Variants in POLB observed in about 807,000 individuals in gnomAD.
POLB encodes 5'-dRP lyase.
In POLB, 37 loss-of-function variants were observed where a neutral mutation model predicts 52.7. That is an observed-to-expected ratio of 0.70 (90% CI 0.54 to 0.92). POLB has a LOEUF of 0.92. Ranked by LOEUF, POLB falls within the 40% of genes least tolerant of loss-of-function variation. POLB has a pLI of 0.00. For missense variants in POLB, 313 were observed against 400.8 expected (o/e 0.78, Z 1.87); for synonymous variants, 138 against 131.3 (o/e 1.05, Z -0.35).
intron 11 of POLB, among the ~76,000 whole-genome samples, chr8:42,367,327 G>A (rs1301663977): frequency 1.3e-5 from 2 of 152,114 alleles, no homozygotes; most frequent in Non-Finnish European, 2.9e-5. Flanking sequence ...GGAGAGGAGA[G>A]TGCAGGAGGC....
rs1585905910 is a variant in POLB at position 42,360,744 on chromosome 8, C to T, written c.551-551C>T. Among the ~76,000 whole-genome samples, 6 of 149,202 alleles carry T rather than the reference C, an allele frequency of 4.0e-5. No individual in the cohort carries two copies. The East Asian group carries it at 9.8e-4, about 24-fold the overall frequency. ...AACCATAAGAATTGAAATGAGTTTT[C>T]TTTTTAAAAAAAAAAAAAAGAGAGT... On this transcript the variant is annotated intron_variant, in intron 9 of 13. Transcript: ENST00000265421.
rs1354111989 is a variant in POLB, at chr8:42,352,543, A to G, written c.345A>G (p.Val115=). The G allele has an allele frequency of 6.2e-7, 1 of 1,601,158 alleles. No homozygotes were observed. The highest frequency in any genetic ancestry group is 2.2e-5 in the East Asian group (1 of 44,780). ...GTCCATCTGCTGCAAGGAAGTTTGTAGATGAAGGAATTAAAACACTAGAAG... is the reference window on the plus strand; with the variant it reads ...GTCCATCTGCTGCAAGGAAGTTTGTGGATGAAGGAATTAAAACACTAGAAG... The part of the protein sequence containing the change: ...GIGPSAARKF[V]DEGIKTLEDL... The change falls in exon 6 of 14, where the codon GTA becomes GTG. Residue 115 remains valine (V), a synonymous_variant. Transcript: ENST00000265421.
At chr8:42,354,460 A>G in intron 6 of POLB, 1 of 1,285,036 alleles carries the variant, frequency 7.8e-7, no homozygotes, top group South Asian at 1.2e-5. Context: ...ACCTGAATGG[A>G]ACTGAGTCAC....
At chr8:42,341,869 C>A in intron 2 of POLB, 1 of 599,790 alleles carries the variant, frequency 1.7e-6, no homozygotes, top group East Asian at 3.7e-5. Flanking sequence ...GGTTCCACCT[C>A]TTTTTAACTT....
At chr8:42,365,765 G>GA (rs965610269) in intron 11 of POLB, among the ~76,000 whole-genome samples, 5 of 152,090 alleles carry the variant, frequency 3.3e-5, no homozygotes, top group African/African-American at 1.2e-4. Context: ...AGATCCAGAG[G>GA]AAAAACCAAC....
At chr8:42,355,652 C>A in intron 7 of POLB, 85 bp downstream of exon 7, 1 of 778,688 alleles carries the variant, frequency 1.3e-6, no homozygotes, top group South Asian at 1.5e-5. Context: ...AAGGACTCTT[C>A]AAACTTAGCT....
chr8:42,369,436 CT>C, intron 12 of POLB, 101 bp downstream of exon 12: 24 of 669,176 alleles, frequency 3.6e-5, no homozygotes, highest in South Asian at 5.9e-5. Flanking sequence ...TATCTAGAGC[CT>C]TTTTTTACTC....
intron 5 of POLB, among the ~76,000 whole-genome samples, chr8:42,351,932 C>T (rs1156708655): frequency 3.3e-5 from 5 of 152,188 alleles, no homozygotes; most frequent in Non-Finnish European, 7.3e-5. Context: ...AGGCCAAGCT[C>T]ATGCCAGCCT....
chr8:42,355,322 G>A, intron 6 of POLB, 194 bp from the exon 7 acceptor site: 1 of 445,484 alleles, frequency 2.2e-6, no homozygotes, highest in Non-Finnish European at 4.2e-6. Flanking sequence ...ACAGGTGTGA[G>A]CCACCACGCC....
chr8:42,364,693 T>A (rs1463910774), intron 11 of POLB, among the ~76,000 whole-genome samples: 1 of 152,196 alleles, frequency 6.6e-6, no homozygotes, highest in Non-Finnish European at 1.5e-5. Flanking sequence ...GTGCATAGAT[T>A]TGACAAGAGT....
At chr8:42,363,808 T>TG (rs112447878) in intron 11 of POLB, among the ~76,000 whole-genome samples, 12 of 152,018 alleles carry the variant, frequency 7.9e-5, no homozygotes, top group Non-Finnish European at 1.3e-4. Flanking sequence ...GAAAGTTGAT[T>TG]GGGGGGGAAT....
At chr8:42,359,423 C>G (rs3136760) in intron 9 of POLB, among the ~76,000 whole-genome samples, 1 of 151,858 alleles carries the variant, frequency 6.6e-6, no homozygotes, top group African/African-American at 2.4e-5. Context: ...GGCGTGATCT[C>G]GGCTCACTGC....
At chr8:42,370,809 A>T (rs1365806796) in intron 13 of POLB, among the ~76,000 whole-genome samples, 1 of 152,250 alleles carries the variant, frequency 6.6e-6, no homozygotes, top group African/African-American at 2.4e-5. Context: ...AAAAAATCAT[A>T]AAAACATCTC....
chr8:42,348,458 G>T (rs1822768056), intron 3 of POLB, among the ~76,000 whole-genome samples: 1 of 152,220 alleles, frequency 6.6e-6, no homozygotes, highest in African/African-American at 2.4e-5. Context: ...GGAATGTGCA[G>T]TTCCAGAGCA....
At chr8:42,343,665 GAA>G (rs574392943) in intron 2 of POLB, among the ~76,000 whole-genome samples, 19 of 152,140 alleles carry the variant, frequency 1.2e-4, no homozygotes, top group African/African-American at 4.6e-4. Context: ...TACTCCCAAA[GAA>G]AGACAGCTGG....
chr8:42,360,458 A>G (rs1265505092), intron 9 of POLB, among the ~76,000 whole-genome samples: 4 of 152,180 alleles, frequency 2.6e-5, no homozygotes, highest in African/African-American at 7.2e-5. Context: ...ACCAGGCACT[A>G]TAGTGGATGC....
intron 2 of POLB, chr8:42,342,615 A>T: frequency 1.5e-6 from 1 of 667,716 alleles, no homozygotes. Context: ...CTTATTCTTA[A>T]CAACTTTAAC....
At chr8:42,353,174 C>CTT (rs1268234381) in intron 6 of POLB, among the ~76,000 whole-genome samples, 3 of 138,380 alleles carry the variant, frequency 2.2e-5, no homozygotes, top group South Asian at 2.4e-4. Context: ...GCCTTTATTT[C>CTT]TTTTTTTTTT....
chr8:42,354,419 T>C (rs1303959858), intron 6 of POLB: 1 of 1,267,402 alleles, frequency 7.9e-7, no homozygotes, highest in Non-Finnish European at 1.0e-6. Context: ...TTAACAAGGC[T>C]CACAGCTGGA....
Sources: allele counts gnomAD v4.1 joint callset (sites outside exome capture counted in the v4.1 genomes callset), GRCh38; gene constraint gnomAD v4.1.1; transcripts MANE v1.5; gene names NCBI Gene and HGNC (gene_info 2026-07-23, HGNC 2026-07-21).